The following GTF2IRD1 variants were observed in gnomAD, a reference collection of about 807,000 sequenced individuals.
GTF2IRD1 encodes the protein GTF2I repeat domain containing 1, also known as general transcription factor II-I repeat domain-containing protein 1.
A neutral mutation model predicts 113.2 loss-of-function variants in GTF2IRD1; 26 were observed. That is an observed-to-expected ratio of 0.23 (90% confidence interval 0.17 to 0.32). GTF2IRD1 has a LOEUF of 0.32. Ranked by LOEUF, GTF2IRD1 falls within the 10% of genes least tolerant of loss-of-function variation. The probability of loss-of-function intolerance (pLI) is 1.00; values close to 1 mark genes in which losing one functional copy is unlikely to be tolerated. For synonymous variants in GTF2IRD1, 484 were observed against 529.1 expected (o/e 0.91, Z 1.17); for missense variants, 864 against 1,280.8 (o/e 0.67, Z 4.97).
chr7:74,558,716 C>A, intron 20 of GTF2IRD1, 145 bp from the exon 21 acceptor site: 1 of 573,148 alleles, frequency 1.7e-6, no homozygotes, highest in Non-Finnish European at 3.0e-6. Context: ...TATACCTTTC[C>A]ACAGTGCTAC....
At chr7:74,529,602 A>G in intron 8 of GTF2IRD1, 132 bp from the exon 9 acceptor site, 3 of 663,212 alleles carry the variant, frequency 4.5e-6, no homozygotes, top group Middle Eastern at 4.2e-4. Context: ...ACATTTCTGC[A>G]GGATCCCTCT....
intron 1 of GTF2IRD1, among the ~76,000 whole-genome samples, chr7:74,476,931 TAGTC>T (rs1216153447): frequency 9.9e-5 from 15 of 152,178 alleles, no homozygotes; most frequent in African/African-American, 3.4e-4. Context: ...AATGAGCACT[TAGTC>T]AGCGTCCCAC....
At chr7:74,511,820 C>T (rs1393000924) in intron 2 of GTF2IRD1, among the ~76,000 whole-genome samples, 3 of 152,184 alleles carry the variant, frequency 2.0e-5, no homozygotes, top group Non-Finnish European at 4.4e-5. Flanking sequence ...TCAGGGTTTT[C>T]CTGGTGGGGT....
Position 74,540,334 on chromosome 7 carries a change from C to T in GTF2IRD1, c.1618+366C>T, listed in dbSNP as rs142581094. Among the ~76,000 whole-genome samples the T allele has an allele frequency of 3.2e-3, 482 of 151,980 alleles. 2 individuals carry two copies. The highest frequency in any genetic ancestry group is 0.011 in the African/African-American group (471 of 41,464). ...GCTAATTTTGTATTTTTAGTAGAGG[C>T]GGGCTTTCGCTATGTTGGTCAGGCT... On this transcript the variant is annotated intron_variant, in intron 14 of 26. Coordinates refer to ENST00000424337, the MANE Select transcript of GTF2IRD1 (RefSeq NM_005685.4).
intron 2 of GTF2IRD1, among the ~76,000 whole-genome samples, chr7:74,510,022 G>A (rs972270055): frequency 1.3e-5 from 2 of 151,982 alleles, no homozygotes; most frequent in Non-Finnish European, 2.9e-5. Flanking sequence ...AAGTCTCCCC[G>A]AAAAATAAAG....
intron 8 of GTF2IRD1, among the ~76,000 whole-genome samples, chr7:74,524,691 C>A (rs1797498184): frequency 1.3e-5 from 2 of 152,170 alleles, no homozygotes; most frequent in Non-Finnish European, 2.9e-5. Context: ...CATGCCAGAA[C>A]CCTGTCTCTA....
At chr7:74,585,421 G>A (rs587679259) in intron 22 of GTF2IRD1, among the ~76,000 whole-genome samples, 2 of 152,198 alleles carry the variant, frequency 1.3e-5, no homozygotes, top group East Asian at 3.9e-4. Flanking sequence ...TCTGGGCCTC[G>A]TCTTTGAGAG....
At chr7:74,517,249 C>T (rs1554344847) in intron 4 of GTF2IRD1, among the ~76,000 whole-genome samples, 2 of 151,124 alleles carry the variant, frequency 1.3e-5, no homozygotes, top group Non-Finnish European at 1.5e-5. Flanking sequence ...GTCTCAAACT[C>T]CTGACCTCAA....
chr7:74,468,656 A>G lies in GTF2IRD1; in HGVS notation c.-7+14480A>G, dbSNP rs190320903. On this transcript the variant is annotated intron_variant, in intron 1 of 26. Coordinates refer to ENST00000424337, the MANE Select transcript of GTF2IRD1 (RefSeq NM_005685.4). The stretch of plus-strand genomic sequence containing the variant: ...CCTGGCGACAGAGCAGCGAGACTCC[A>G]TCTCCAAAAAAAAAAAAAACTGTGT... Among the ~76,000 whole-genome samples the G allele has an allele frequency of 6.1e-3, 863 of 142,512 alleles. 9 individuals are homozygous for G. Among genetic ancestry groups the G allele is most frequent in the African/African-American group, 0.021 (799 of 37,722 alleles). 93.5% of individuals were successfully genotyped at this position (142,512 alleles called of 152,430 possible).
chr7:74,454,560 G>A (rs1401174614), intron 1 of GTF2IRD1, among the ~76,000 whole-genome samples: 1 of 145,722 alleles, frequency 6.9e-6, no homozygotes, highest in Non-Finnish European at 1.5e-5. Flanking sequence ...GGAGCAGAGG[G>A]GGCTGGGAAG....
At chr7:74,576,002 T>TAA (rs880000685) in intron 22 of GTF2IRD1, among the ~76,000 whole-genome samples, 4 of 141,154 alleles carry the variant, frequency 2.8e-5, no homozygotes, top group African/African-American at 1.0e-4. Flanking sequence ...ACCCCATCTC[T>TAA]AAAAAAAAAA....
intron 23 of GTF2IRD1, 36 bp from the exon 24 acceptor site, chr7:74,590,789 A>C (rs1362646404): frequency 7.0e-7 from 1 of 1,427,918 alleles, no homozygotes; most frequent in African/African-American, 1.4e-5. Context: ...TTGACAGGAG[A>C]CATCTTTCCT....
At chr7:74,602,167 G>T (rs587733504) in intron 26 of GTF2IRD1, 198 bp from the exon 27 acceptor site, 1 of 463,246 alleles carries the variant, frequency 2.2e-6, no homozygotes, top group Non-Finnish European at 3.5e-6. Flanking sequence ...GCTTGAACCC[G>T]CGGGGCCAAG....
At chr7:74,475,585 T>A (rs1794353421) in intron 1 of GTF2IRD1, among the ~76,000 whole-genome samples, 1 of 152,174 alleles carries the variant, frequency 6.6e-6, no homozygotes, top group Admixed American at 6.5e-5. Flanking sequence ...CAAGTTGCTC[T>A]GTCCCTGGGT....
At chr7:74,541,061 G>A (rs1554351605) in intron 14 of GTF2IRD1, among the ~76,000 whole-genome samples, 1 of 151,562 alleles carries the variant, frequency 6.6e-6, no homozygotes, top group Non-Finnish European at 1.5e-5. Flanking sequence ...ACCACACCTT[G>A]CCTCAACAAA....
At chr7:74,487,128 C>T (rs1554335712) in intron 1 of GTF2IRD1, among the ~76,000 whole-genome samples, 2 of 152,170 alleles carry the variant, frequency 1.3e-5, no homozygotes, top group Non-Finnish European at 2.9e-5. Flanking sequence ...ACCTCCGCCT[C>T]CCAGGTTCAC....
intron 1 of GTF2IRD1, among the ~76,000 whole-genome samples, chr7:74,477,968 C>T (rs1287092395): frequency 6.6e-6 from 1 of 152,190 alleles, no homozygotes; most frequent in Non-Finnish European, 1.5e-5. Flanking sequence ...ACTGCCTGGC[C>T]CCAGGGGTTG....
chr7:74,576,817 C>T (rs1801101474), intron 22 of GTF2IRD1, among the ~76,000 whole-genome samples: 2 of 151,252 alleles, frequency 1.3e-5, no homozygotes, highest in African/African-American at 4.9e-5. Flanking sequence ...GACAGGGTTT[C>T]ACCATGTTGC....
At chr7:74,526,714 T>A (rs1229965762) in intron 8 of GTF2IRD1, among the ~76,000 whole-genome samples, 1 of 149,582 alleles carries the variant, frequency 6.7e-6, no homozygotes, top group Admixed American at 6.7e-5. Context: ...ATAAACCAGA[T>A]GAACCAGACG....
Sources: allele counts gnomAD v4.1 joint callset (sites outside exome capture counted in the v4.1 genomes callset), GRCh38; gene constraint gnomAD v4.1.1; transcripts MANE v1.5; gene names NCBI Gene and HGNC (gene_info 2026-07-23, HGNC 2026-07-21).